The following NRF1 variants were observed in gnomAD, a reference collection of about 807,000 sequenced individuals.
NRF1 encodes the protein alpha palindromic-binding protein.
In NRF1, 5 loss-of-function variants were observed where a neutral mutation model predicts 58.5. That is an observed-to-expected ratio of 0.09 (90% confidence interval 0.04 to 0.18). NRF1 has a LOEUF of 0.18. Ranked by LOEUF, NRF1 falls within the 10% of genes least tolerant of loss-of-function variation. The probability of loss-of-function intolerance (pLI) is 1.00; values close to 1 mark genes in which losing one functional copy is unlikely to be tolerated. For missense variants in NRF1, 288 were observed against 657.7 expected (o/e 0.44, Z 6.15); for synonymous variants, 224 against 246.7 (o/e 0.91, Z 0.86).
At chr7:129,671,595 A>T in intron 3 of NRF1, 52 bp downstream of exon 3, 1 of 991,772 alleles carries the variant, frequency 1.0e-6, no homozygotes, top group Admixed American at 1.8e-5. Context: ...CTTCCTGTGG[A>T]TGACAGACTT....
At chr7:129,735,419 A>G (rs1287363386) in intron 10 of NRF1, 1 of 174,476 alleles carries the variant, frequency 5.7e-6, no homozygotes, top group African/African-American at 2.4e-5. Flanking sequence ...AGTCCCAGCT[A>G]CTTGGGAGGC....
chr7:129,739,541 TA>T (rs56277880), intron 10 of NRF1, among the ~76,000 whole-genome samples: 28,544 of 144,678 alleles, frequency 0.2, 2,827 homozygotes, highest in East Asian at 0.47. Flanking sequence ...GCTTTGCTTT[TA>T]AAAAAAAAAA....
chr7:129,701,499 G>T (rs1015352863), intron 5 of NRF1, among the ~76,000 whole-genome samples: 2 of 151,698 alleles, frequency 1.3e-5, no homozygotes, highest in African/African-American at 2.4e-5. Flanking sequence ...ACAGGTTGAG[G>T]CAGGAGAATC....
chr7:129,740,405 C>A (rs1019308794), intron 10 of NRF1, among the ~76,000 whole-genome samples: 4 of 152,188 alleles, frequency 2.6e-5, no homozygotes, highest in African/African-American at 9.7e-5. Context: ...GGCACATATG[C>A]TTAGGGCCAG....
intron 1 of NRF1, among the ~76,000 whole-genome samples, chr7:129,614,443 T>TGTGTGTGTGTGTGTGTG: frequency 6.9e-6 from 1 of 145,746 alleles, no homozygotes; most frequent in Non-Finnish European, 1.5e-5. Flanking sequence ...AAATATGTAT[T>TGTGTGTGTGTGTGTGTG]TGTGTGTGTG....
At chr7:129,750,860 G>C (rs1355589197) in intron 10 of NRF1, among the ~76,000 whole-genome samples, 1 of 152,146 alleles carries the variant, frequency 6.6e-6, no homozygotes, top group Non-Finnish European at 1.5e-5. Flanking sequence ...TCACCCTAAG[G>C]CTCACCCACC....
chr7:129,691,370 T>TA (rs1802564336), intron 5 of NRF1, among the ~76,000 whole-genome samples: 3 of 148,044 alleles, frequency 2.0e-5, no homozygotes, highest in African/African-American at 7.4e-5. Context: ...TATTATTTTT[T>TA]TTTTTTTTTG....
rs561935131 is a variant in NRF1, at chr7:129,756,888, A to G, written c.*1707A>G. On this transcript the variant is annotated 3_prime_UTR_variant, in exon 11 of 11. Coordinates refer to ENST00000393232, the MANE Select transcript of NRF1 (RefSeq NM_005011.5). ...GTTATTTTTTTAATTATTATTTTTT[A>G]TCGTCATTGTGAAGTTGTCCAGGGA... The G allele has an allele frequency of 1.5e-3, 231 of 152,330 alleles. No individual in the cohort carries two copies. Among genetic ancestry groups the G allele is most frequent in the African/African-American group, 4.9e-3 (203 of 41,376 alleles). 9.4% of individuals were successfully genotyped at this position (152,330 alleles called of 1,614,324 possible).
In NRF1 at chr7:129,744,515, C is replaced by T. The variant is rs1803926014; in HGVS notation, c.1349-10503C>T. Among the ~76,000 whole-genome samples, 2 of 152,202 alleles carry T rather than the reference C, an allele frequency of 1.3e-5. 1 individual carries two copies. Among genetic ancestry groups the T allele is most frequent in the African/African-American group, 4.8e-5 (2 of 41,538 alleles). ...AGTGGCTATTCCCAGACTACAGGTT[C>T]GAACTGCTGGCCTCAAGTGATCCTC... On this transcript the variant is annotated intron_variant, in intron 10 of 10. Transcript: ENST00000393232.
chr7:129,695,800 A>G (rs914096871), intron 5 of NRF1, among the ~76,000 whole-genome samples: 1 of 150,992 alleles, frequency 6.6e-6, no homozygotes, highest in African/African-American at 2.4e-5. Context: ...AAATATTAAC[A>G]CTAATTATCT....
intron 10 of NRF1, among the ~76,000 whole-genome samples, chr7:129,728,043 T>C (rs1192714796): frequency 7.2e-5 from 11 of 152,124 alleles, no homozygotes; most frequent in Admixed American, 7.2e-4. Flanking sequence ...TTTGGGTCCA[T>C]GTTGGTAAGG....
intron 10 of NRF1, among the ~76,000 whole-genome samples, chr7:129,742,540 GCCT>G (rs1237801915): frequency 6.6e-6 from 1 of 152,202 alleles, no homozygotes. Context: ...TCATGCAGAG[GCCT>G]GGTGGGGGAG....
intron 2 of NRF1, among the ~76,000 whole-genome samples, chr7:129,660,260 G>A (rs1801749773): frequency 6.6e-6 from 1 of 151,222 alleles, no homozygotes. Flanking sequence ...ATTTGAGTGG[G>A]GACATAGAGC....
chr7:129,696,269 A>G (rs531203411), intron 5 of NRF1, among the ~76,000 whole-genome samples: 1 of 152,248 alleles, frequency 6.6e-6, no homozygotes, highest in South Asian at 2.1e-4. Context: ...ATAAATAAAT[A>G]AAGTGCAAAG....
chr7:129,692,464 G>T lies in NRF1; in HGVS notation c.606+1918G>T, dbSNP rs1209856106. On this transcript the variant is annotated intron_variant, in intron 5 of 10. Transcript: ENST00000393232. ...AATACTTGGAAGGCTGAGGTGGGAGGATCGTTTGAGCCCCAGAGGTTGAGG... is the reference window on the plus strand; with the variant it reads ...AATACTTGGAAGGCTGAGGTGGGAGTATCGTTTGAGCCCCAGAGGTTGAGG... Among the ~76,000 whole-genome samples, 5 of 152,052 alleles carry T rather than the reference G, an allele frequency of 3.3e-5. No individual in the cohort carries two copies. In the East Asian group the frequency reaches 7.7e-4, roughly 23 times the overall value.
intron 1 of NRF1, among the ~76,000 whole-genome samples, chr7:129,640,314 T>G (rs767557552): frequency 9.9e-5 from 15 of 152,250 alleles, no homozygotes; most frequent in South Asian, 2.1e-4. Flanking sequence ...CCCAGGAGTT[T>G]AAGACCAGCC....
chr7:129,743,155 G>T (rs2896422), intron 10 of NRF1, among the ~76,000 whole-genome samples: 125,709 of 151,082 alleles, frequency 0.83, 53,283 homozygotes, highest in East Asian at 0.94. Context: ...CATGTCCTTT[G>T]CCTACTCCTA....
At chr7:129,689,028 A>G (rs1283933515) in intron 4 of NRF1, among the ~76,000 whole-genome samples, 1 of 152,212 alleles carries the variant, frequency 6.6e-6, no homozygotes, top group Non-Finnish European at 1.5e-5. Flanking sequence ...TGGCAACATC[A>G]GCTGCTTATG....
At chr7:129,616,623 T>G (rs1800665258) in intron 1 of NRF1, among the ~76,000 whole-genome samples, 1 of 152,150 alleles carries the variant, frequency 6.6e-6, no homozygotes, top group Admixed American at 6.5e-5. Context: ...GCTGTTAAGG[T>G]AGGCCTACCA....
Sources: gnomAD v4.1 joint callset for allele counts (sites outside exome capture counted in the v4.1 genomes callset) on GRCh38, gnomAD v4.1.1 for gene constraint, MANE v1.5 for transcripts, NCBI Gene and HGNC (gene_info 2026-07-23, HGNC 2026-07-21) for gene names.